Variants in RAB31 observed in about 807,000 individuals in gnomAD.
RAB31 encodes the protein ras-related protein Rab-31.
Under a neutral mutation model 25.6 loss-of-function variants are expected in RAB31, and 21 were observed. That is an observed-to-expected ratio of 0.82 (90% CI 0.58 to 1.18). The LOEUF is 1.18. Ranked by LOEUF, RAB31 falls within the 50% of genes most tolerant of loss-of-function variation. The pLI is 0.00. For missense variants in RAB31, 196 were observed against 250.1 expected (o/e 0.78, Z 1.46); for synonymous variants, 87 against 84.0 (o/e 1.04, Z -0.20).
At chr18:9,845,303 C>T (rs528286872) in intron 5 of RAB31, among the ~76,000 whole-genome samples, 120 of 152,272 alleles carry the variant, frequency 7.9e-4, no homozygotes, top group Non-Finnish European at 1.4e-3. Context: ...ATGTGTACTG[C>T]CATATTTGTC....
At chr18:9,784,421 G>A (rs796630184) in intron 2 of RAB31, among the ~76,000 whole-genome samples, 2 of 152,218 alleles carry the variant, frequency 1.3e-5, no homozygotes, top group African/African-American at 4.8e-5. Context: ...CTGAATCATT[G>A]TCGTAATAGT....
chr18:9,830,997 T>G (rs934780726), intron 5 of RAB31, among the ~76,000 whole-genome samples: 3 of 152,258 alleles, frequency 2.0e-5, no homozygotes, highest in African/African-American at 7.2e-5. Flanking sequence ...GCGTGTCATG[T>G]GCACAGTGTT....
In RAB31 at chr18:9,708,333, G is replaced by C; in HGVS notation, c.-73G>C. The C allele has an allele frequency of 8.0e-7, 1 of 1,257,554 alleles. No individual in the cohort carries two copies. The highest frequency in any genetic ancestry group is 1.1e-6 in the Non-Finnish European group (1 of 944,490). 77.9% of individuals were successfully genotyped at this position (1,257,554 alleles called of 1,614,324 possible). ...GCGCGAGCGAGGGGCAGAGGCGAGAGACGCCGGCGGGGCGCGGGCGCGGCG... is the reference window on the plus strand; with the variant it reads ...GCGCGAGCGAGGGGCAGAGGCGAGACACGCCGGCGGGGCGCGGGCGCGGCG... On this transcript the variant is annotated 5_prime_UTR_variant, in exon 1 of 7. Coordinates refer to ENST00000578921, the MANE Select transcript of RAB31 (RefSeq NM_006868.4). The surrounding 1 kb of genome is among the most constrained non-coding windows in gnomAD (Gnocchi z 6.4).
chr18:9,743,977 G>A (rs775559510), intron 1 of RAB31, among the ~76,000 whole-genome samples: 4 of 152,218 alleles, frequency 2.6e-5, no homozygotes, highest in South Asian at 2.1e-4. Flanking sequence ...CCCTGTAGGC[G>A]CAGTGGGTGC....
chr18:9,812,236 C>G (rs1030359947), intron 3 of RAB31, among the ~76,000 whole-genome samples: 9 of 152,204 alleles, frequency 5.9e-5, no homozygotes, highest in African/African-American at 2.2e-4. Context: ...TTAGGGGAGA[C>G]ACAAACATTC....
chr18:9,759,820 T>A (rs1473470367), intron 1 of RAB31, among the ~76,000 whole-genome samples: 1 of 152,010 alleles, frequency 6.6e-6, no homozygotes, highest in Admixed American at 6.6e-5. Context: ...ACATCAAGTT[T>A]TTATAAGGGG....
chr18:9,792,272 A>G lies in RAB31; in HGVS notation c.201+37A>G, dbSNP rs776401559. On this transcript the variant is annotated intron_variant, in intron 3 of 6. Transcript: ENST00000578921. ...CTGTTTTTTGGTGAAAACAAGATCC[A>G]GTGAAAATAAGATCAGTTTCTGAAG... 4 of 1,580,288 alleles carry G rather than the reference A, an allele frequency of 2.5e-6. No individual in the cohort carries two copies. The Admixed American group carries it at 5.4e-5, about 21-fold the overall frequency.
At chr18:9,763,929 T>C (rs975699389) in intron 1 of RAB31, among the ~76,000 whole-genome samples, 2 of 152,206 alleles carry the variant, frequency 1.3e-5, no homozygotes, top group Admixed American at 6.5e-5. Context: ...CTTCTGCTTC[T>C]ACTAAAGGCC....
chr18:9,788,601 TCA>T (rs1241678576), intron 2 of RAB31, among the ~76,000 whole-genome samples: 1 of 152,228 alleles, frequency 6.6e-6, no homozygotes, highest in Non-Finnish European at 1.5e-5. Context: ...ATACCTGCAC[TCA>T]CAGATTTATT....
intron 5 of RAB31, among the ~76,000 whole-genome samples, chr18:9,834,616 C>A (rs2143114272): frequency 6.6e-6 from 1 of 152,306 alleles, no homozygotes; most frequent in East Asian, 1.9e-4. Flanking sequence ...GGAAAGAAGT[C>A]ATAAAGAAAT....
At chr18:9,825,306 G>T (rs1177725798) in intron 5 of RAB31, among the ~76,000 whole-genome samples, 2 of 152,234 alleles carry the variant, frequency 1.3e-5, no homozygotes, top group Non-Finnish European at 2.9e-5. Context: ...TAGGACAGCA[G>T]ATTGGCCTAG....
chr18:9,742,189 C>G (rs914518593), intron 1 of RAB31, among the ~76,000 whole-genome samples: 2 of 152,144 alleles, frequency 1.3e-5, no homozygotes, highest in East Asian at 3.9e-4. Flanking sequence ...TCAAAGCAGG[C>G]TCTTGGTGAG....
At chr18:9,795,924 C>T (rs1419056535) in intron 3 of RAB31, among the ~76,000 whole-genome samples, 3 of 152,142 alleles carry the variant, frequency 2.0e-5, no homozygotes, top group Non-Finnish European at 4.4e-5. Context: ...AAGATACTTG[C>T]ACACGCATGT....
chr18:9,814,164 C>T (rs1005402499), intron 4 of RAB31, 73 bp downstream of exon 4: 38 of 1,154,242 alleles, frequency 3.3e-5, no homozygotes, highest in Admixed American at 6.0e-5. Context: ...GGAGCAGAGA[C>T]GTCACTGCTT....
At chr18:9,839,409 A>G (rs2068721200) in intron 5 of RAB31, among the ~76,000 whole-genome samples, 1 of 152,192 alleles carries the variant, frequency 6.6e-6, no homozygotes, top group East Asian at 1.9e-4. Context: ...TCACAGGAAT[A>G]CTTGGTAGAT....
chr18:9,729,484 G>A (rs568403493), intron 1 of RAB31, among the ~76,000 whole-genome samples: 1 of 151,152 alleles, frequency 6.6e-6, no homozygotes, highest in South Asian at 2.1e-4. Flanking sequence ...CCAAGATCAC[G>A]CCAGTGCACT....
chr18:9,830,492 A>C (rs1220222143), intron 5 of RAB31: 1 of 152,058 alleles, frequency 6.6e-6, no homozygotes, highest in Non-Finnish European at 1.5e-5. Context: ...CTTGGAGGTC[A>C]CTATATTGCC....
intron 6 of RAB31, among the ~76,000 whole-genome samples, chr18:9,859,000 C>G (rs147073915): frequency 6.6e-6 from 1 of 152,086 alleles, no homozygotes; most frequent in Non-Finnish European, 1.5e-5. Context: ...TGTTCCTTAC[C>G]TGAACTTCCT....
chr18:9,848,711 G>GA (rs1424282494), intron 6 of RAB31, among the ~76,000 whole-genome samples: 4 of 152,200 alleles, frequency 2.6e-5, no homozygotes, highest in East Asian at 1.9e-4. Flanking sequence ...TATGCCTGGA[G>GA]AAAAAATGCA....
Sources: gnomAD v4.1 joint callset for allele counts (sites outside exome capture counted in the v4.1 genomes callset) on GRCh38, gnomAD v4.1.1 for gene constraint, Gnocchi (gnomAD v3.1) non-coding constraint, MANE v1.5 for transcripts, NCBI Gene and HGNC (gene_info 2026-07-23, HGNC 2026-07-21) for gene names.